The following ROPN1L variants were observed in gnomAD, a reference collection of about 807,000 sequenced individuals.
ROPN1L encodes the protein ropporin-1-like protein.
In ROPN1L, 23 loss-of-function variants were observed where a neutral mutation model predicts 22.7. That is an observed-to-expected ratio of 1.01 (90% CI 0.73 to 1.43). The LOEUF (loss-of-function observed/expected upper bound fraction) is 1.43, where lower values mean the gene tolerates loss of function less well. Ranked by LOEUF, ROPN1L falls within the 40% of genes most tolerant of loss-of-function variation. The probability of loss-of-function intolerance (pLI) is 0.00; values close to 1 mark genes in which losing one functional copy is unlikely to be tolerated. For missense variants in ROPN1L, 271 were observed against 291.5 expected, an observed-to-expected ratio of 0.93 and a Z score of 0.51; for synonymous variants, 116 against 117.8, an observed-to-expected ratio of 0.98 and a Z score of 0.10.
intron 4 of ROPN1L, among the ~76,000 whole-genome samples, chr5:10,470,882 CT>C (rs1430115355): frequency 1.3e-5 from 2 of 152,236 alleles, no homozygotes; most frequent in African/African-American, 2.4e-5. Flanking sequence ...GCTGGCCCCC[CT>C]GCCACGTACG....
intron 1 of ROPN1L, 91 bp downstream of exon 1, chr5:10,442,389 C>G: frequency 6.6e-7 from 1 of 1,504,056 alleles, no homozygotes; most frequent in Non-Finnish European, 9.0e-7. Context: ...GGGCCTTACG[C>G]GGCACTCAGC....
At chr5:10,459,385 C>T (rs576461862) in intron 3 of ROPN1L, among the ~76,000 whole-genome samples, 26 of 151,886 alleles carry the variant, frequency 1.7e-4, no homozygotes, top group African/African-American at 6.3e-4. Context: ...CTTCCACCCT[C>T]ATCACTTCTC....
chr5:10,446,076 CG>C lies in ROPN1L; in HGVS notation c.132-2182del, dbSNP rs565411331. Among the ~76,000 whole-genome samples, 13 of 152,336 alleles carry C rather than the reference CG, an allele frequency of 8.5e-5. No homozygotes were observed. The South Asian group carries it at 1.2e-3, about 15-fold the overall frequency. ...CTGTGGACTCCACTGTGAGGGGAGT[CG>C]GCTGTTCCTTATGACACCATTGTGC... On this transcript the variant is annotated intron_variant, in intron 1 of 4. Coordinates refer to ENST00000274134, the MANE Select transcript of ROPN1L (RefSeq NM_031916.5).
intron 3 of ROPN1L, among the ~76,000 whole-genome samples, chr5:10,460,162 TCA>T (rs1252464966): frequency 1.6e-4 from 24 of 151,910 alleles, no homozygotes; most frequent in African/African-American, 5.6e-4. Context: ...AGGCTGCAGG[TCA>T]TGATGTCTTG....
At chr5:10,453,193 T>G (rs930892105) in intron 3 of ROPN1L, among the ~76,000 whole-genome samples, 1 of 152,200 alleles carries the variant, frequency 6.6e-6, no homozygotes, top group Non-Finnish European at 1.5e-5. Flanking sequence ...GGTTCAAGTG[T>G]GGAAGCTGAC....
At chr5:10,471,482 G>A (rs1735244108) in intron 4 of ROPN1L, among the ~76,000 whole-genome samples, 1 of 152,166 alleles carries the variant, frequency 6.6e-6, no homozygotes. Flanking sequence ...GTGTGTAGGT[G>A]GGGCGGCCTG....
At chr5:10,474,883 A>G (rs143845359), downstream of ROPN1L, among the ~76,000 whole-genome samples, 607 of 152,340 alleles carry the variant, frequency 4.0e-3, 3 homozygotes, top group African/African-American at 0.014. Flanking sequence ...AGTATTAAAA[A>G]TGGGTGTATA....
At chr5:10,482,397 C>T in the ROPN1L span, 2 of 152,150 alleles carry the variant, frequency 1.3e-5, no homozygotes, top group African/African-American at 4.8e-5. Flanking sequence ...TATTAAAGAC[C>T]TGCTCCAGAA....
intron 3 of ROPN1L, among the ~76,000 whole-genome samples, chr5:10,450,488 T>A (rs1392074197): frequency 1.3e-5 from 2 of 151,940 alleles, no homozygotes; most frequent in African/African-American, 4.8e-5. Flanking sequence ...AGAAATCTAT[T>A]ATTATTATTT....
At chr5:10,457,927 G>C (rs1208365429) in intron 3 of ROPN1L, among the ~76,000 whole-genome samples, 1 of 152,086 alleles carries the variant, frequency 6.6e-6, no homozygotes, top group Non-Finnish European at 1.5e-5. Flanking sequence ...CTCCGTGGCT[G>C]CTGCAAGCAG....
intron 3 of ROPN1L, among the ~76,000 whole-genome samples, chr5:10,451,610 T>C (rs1010082903): frequency 1.3e-5 from 2 of 152,270 alleles, no homozygotes; most frequent in Non-Finnish European, 2.9e-5. Context: ...CACATCTGAG[T>C]GTGGCGCAGT....
downstream of ROPN1L, among the ~76,000 whole-genome samples, chr5:10,473,282 A>G (rs539711792): frequency 1.1e-4 from 16 of 152,314 alleles, no homozygotes; most frequent in African/African-American, 3.8e-4. Flanking sequence ...GGATCACAAG[A>G]TGTGAGCATC....
chr5:10,460,429 C>G (rs1305176940), intron 3 of ROPN1L, among the ~76,000 whole-genome samples: 1 of 152,226 alleles, frequency 6.6e-6, no homozygotes, highest in Non-Finnish European at 1.5e-5. Context: ...TAGCTGCCCC[C>G]CACCCCCGCA....
At chr5:10,444,675 A>G (rs1740997388) in intron 1 of ROPN1L, among the ~76,000 whole-genome samples, 4 of 150,736 alleles carry the variant, frequency 2.7e-5, no homozygotes, top group Middle Eastern at 3.4e-3. Context: ...AAGGCTGATG[A>G]ATCACCTGAG....
At chr5:10,469,319 TTA>T (rs1735209414), downstream of ROPN1L, among the ~76,000 whole-genome samples, 3 of 51,932 alleles carry the variant, frequency 5.8e-5, no homozygotes, top group Non-Finnish European at 1.4e-4. Flanking sequence ...TACAAAAAAA[TTA>T]AAAAAAAAAA....
chr5:10,464,656 A>G (rs924618430), intron 4 of ROPN1L, among the ~76,000 whole-genome samples, 192 bp from the exon 5 acceptor site: 3 of 152,230 alleles, frequency 2.0e-5, no homozygotes, highest in African/African-American at 7.2e-5. Flanking sequence ...ATAAAGCTAC[A>G]TTTATTATAC....
chr5:10,457,852 C>T (rs900956236), intron 3 of ROPN1L, among the ~76,000 whole-genome samples: 42 of 152,068 alleles, frequency 2.8e-4, no homozygotes, highest in African/African-American at 8.5e-4. Context: ...TTGTTTCTTG[C>T]GCTTCCCTTG....
In ROPN1L at chr5:10,455,279, G is replaced by A. The variant is rs890343541; in HGVS notation, c.417+5166G>A. Among the ~76,000 whole-genome samples the A allele has an allele frequency of 5.3e-5, 8 of 152,162 alleles. No homozygotes were observed. The East Asian group carries it at 9.6e-4, about 18-fold the overall frequency. On this transcript the variant is annotated intron_variant, in intron 3 of 4. Transcript: ENST00000274134. ...CGCTGCTGTTTCCTTCCAGGTTTCC[G>A]CAGCTAGGGCTCGAAAGCCCATTCG...
the ROPN1L span, among the ~76,000 whole-genome samples, chr5:10,480,637 G>C: frequency 1.3e-5 from 2 of 152,060 alleles, no homozygotes; most frequent in African/African-American, 4.8e-5. Context: ...GTGTCCTCCA[G>C]TGTGAGTGGC....
Sources: allele counts gnomAD v4.1 joint callset (sites outside exome capture counted in the v4.1 genomes callset), GRCh38; gene constraint gnomAD v4.1.1; transcripts MANE v1.5; gene names NCBI Gene and HGNC (gene_info 2026-07-23, HGNC 2026-07-21).